Variants in POLN observed in about 807,000 individuals in gnomAD.
POLN encodes the protein DNA polymerase N.
In POLN, 108 loss-of-function variants were observed where a neutral mutation model predicts 113.5. The observed-to-expected ratio is 0.95, with a 90% CI of 0.81 to 1.12. The LOEUF (loss-of-function observed/expected upper bound fraction) is 1.12, where lower values mean the gene tolerates loss of function less well. Ranked by LOEUF, POLN falls within the 50% of genes most tolerant of loss-of-function variation. The probability of loss-of-function intolerance (pLI) is 0.00; values close to 1 mark genes in which losing one functional copy is unlikely to be tolerated. For missense variants in POLN, 1,097 were observed against 1,077.1 expected (o/e 1.02, Z -0.26); for synonymous variants, 386 against 391.5 (o/e 0.99, Z 0.17).
intron 20 of POLN, chr4:2,089,359 A>C: frequency 7.2e-7 from 1 of 1,389,738 alleles, no homozygotes; most frequent in Non-Finnish European, 9.9e-7. Context: ...GTGATTTGCT[A>C]ATTGTGACAG....
At position 2,148,102 on chromosome 4, in the gene POLN, C is replaced by T. The variant is rs193030989; in HGVS notation, c.1731+8686G>A. ...TGCAGGATGTTATAATACAGTATAA[C>T]GAGCACTATGCTAGAGGAAGTATAG... On this transcript the variant is annotated intron_variant, in intron 16 of 25. Transcript: ENST00000511885. Among the ~76,000 whole-genome samples the T allele has an allele frequency of 3.9e-5, 6 of 152,144 alleles. 1 individual carries two copies. The highest frequency in any genetic ancestry group is 4.2e-4 in the South Asian group (2 of 4,816).
At chr4:2,121,094 A>C (rs1274696258) in intron 19 of POLN, among the ~76,000 whole-genome samples, 1 of 152,068 alleles carries the variant, frequency 6.6e-6, no homozygotes, top group Non-Finnish European at 1.5e-5. Context: ...TGCAATATTA[A>C]TAAGTTGTTC....
In POLN at chr4:2,236,372, C is replaced by G. The variant is rs559315835; in HGVS notation, c.-13+5148G>C. On this transcript the variant is annotated intron_variant, in intron 2 of 25. Coordinates refer to ENST00000511885, the MANE Select transcript of POLN (RefSeq NM_181808.4). ...CTTGTACTAAAGAAATATTCTGTTT[C>G]AATTTCTCAGCCACTTCCTCAAGGT... is the stretch of plus-strand genomic sequence containing the variant. 1.3e-5 allele frequency: 21 copies of G among 1,613,166 alleles called. No individual in the cohort carries two copies. The highest frequency in any genetic ancestry group is 1.8e-5 in the Non-Finnish European group (21 of 1,179,336).
At chr4:2,203,782 T>A (rs1560092586) in intron 5 of POLN, among the ~76,000 whole-genome samples, 1 of 151,746 alleles carries the variant, frequency 6.6e-6, no homozygotes, top group African/African-American at 2.4e-5. Context: ...CAGAACTCAA[T>A]GATATTGAAA....
chr4:2,236,312 G>C (rs763337953), intron 2 of POLN: 4 of 1,613,740 alleles, frequency 2.5e-6, no homozygotes, highest in Non-Finnish European at 3.4e-6. Flanking sequence ...TGGACAGAAA[G>C]AAAGAATGTT....
intron 11 of POLN, 138 bp from the exon 12 acceptor site, chr4:2,171,319 G>A (rs62285183): frequency 0.043 from 27,305 of 630,396 alleles, 743 homozygotes; most frequent in Middle Eastern, 0.065. Flanking sequence ...TTGGGAGGCT[G>A]AGGCAGGAGG....
At chr4:2,142,456 T>C (rs1732026145) in intron 16 of POLN, among the ~76,000 whole-genome samples, 2 of 152,228 alleles carry the variant, frequency 1.3e-5, no homozygotes, top group South Asian at 2.1e-4. Context: ...TCCAGGAAGG[T>C]TGTGTAAACA....
chr4:2,202,991 CA>C (rs946437534), intron 5 of POLN, among the ~76,000 whole-genome samples: 2 of 152,062 alleles, frequency 1.3e-5, no homozygotes, highest in African/African-American at 4.8e-5. Flanking sequence ...TACCCTGGAA[CA>C]AATGGACTTA....
chr4:2,183,204 G>C (rs966528218), intron 7 of POLN, among the ~76,000 whole-genome samples: 1 of 152,176 alleles, frequency 6.6e-6, no homozygotes, highest in African/African-American at 2.4e-5. Flanking sequence ...ATACAGTGCT[G>C]GTTAAAATGG....
intron 19 of POLN, among the ~76,000 whole-genome samples, chr4:2,124,817 G>C (rs1307921968): frequency 6.6e-6 from 1 of 152,136 alleles, no homozygotes; most frequent in Non-Finnish European, 1.5e-5. Flanking sequence ...GGACCTCGGA[G>C]CCAGGCACAT....
At position 2,129,337 on chromosome 4, in the gene POLN, A is replaced by T. The variant is rs1577710633; in HGVS notation, c.1790-81T>A. On this transcript the variant is annotated intron_variant, in intron 17 of 25. Coordinates refer to ENST00000511885, the MANE Select transcript of POLN (RefSeq NM_181808.4). Reference sequence around the variant, plus strand: ...TATTCCTCAATACAATATTATTTGAATATTATTCTGAAGTCCAGAGTTAAG... The same window carrying T: ...TATTCCTCAATACAATATTATTTGATTATTATTCTGAAGTCCAGAGTTAAG... 3 of 891,758 alleles carry T rather than the reference A, an allele frequency of 3.4e-6. No individual in the cohort carries two copies. In the East Asian group the frequency reaches 7.6e-5, roughly 23 times the overall value. The allele number at this position is 891,758 out of a possible 1,614,324, so 55.2% of individuals were successfully genotyped here.
chr4:2,133,031 C>T (rs1327895312), intron 16 of POLN, among the ~76,000 whole-genome samples: 1 of 151,736 alleles, frequency 6.6e-6, no homozygotes, highest in Non-Finnish European at 1.5e-5. Context: ...TGTGGCTGGG[C>T]ACAGTGGATC....
At chr4:2,161,834 C>A (rs1187314011) in intron 13 of POLN, among the ~76,000 whole-genome samples, 2 of 152,166 alleles carry the variant, frequency 1.3e-5, no homozygotes, top group Non-Finnish European at 2.9e-5. Flanking sequence ...ATACACCAAT[C>A]AGCACCCTGT....
At chr4:2,088,091 A>G (rs1371664596) in intron 20 of POLN, among the ~76,000 whole-genome samples, 1 of 152,226 alleles carries the variant, frequency 6.6e-6, no homozygotes, top group Non-Finnish European at 1.5e-5. Context: ...TAATTCACAT[A>G]TAAATCCAAC....
At chr4:2,086,777 C>T (rs560349364) in intron 20 of POLN, among the ~76,000 whole-genome samples, 12 of 152,148 alleles carry the variant, frequency 7.9e-5, no homozygotes, top group Non-Finnish European at 1.5e-4. Context: ...GGAGCATGGC[C>T]GGGACCAGCA....
chr4:2,194,078 C>A (rs1402134962), intron 6 of POLN, among the ~76,000 whole-genome samples: 1 of 152,194 alleles, frequency 6.6e-6, no homozygotes, highest in African/African-American at 2.4e-5. Flanking sequence ...GATTGTTGCA[C>A]TGAAACCTCA....
intron 13 of POLN, among the ~76,000 whole-genome samples, chr4:2,160,659 T>C (rs1233866917): frequency 6.6e-6 from 1 of 152,216 alleles, no homozygotes; most frequent in Non-Finnish European, 1.5e-5. Context: ...TCCTCCCGCC[T>C]TGGCCTCCCA....
At chr4:2,192,150 A>G (rs1293526702) in intron 7 of POLN, among the ~76,000 whole-genome samples, 1 of 150,696 alleles carries the variant, frequency 6.6e-6, no homozygotes, top group East Asian at 1.9e-4. Context: ...CTGGAAATTG[A>G]TAATTGTTGA....
At chr4:2,154,494 A>C (rs1331026285) in intron 16 of POLN, among the ~76,000 whole-genome samples, 1 of 152,212 alleles carries the variant, frequency 6.6e-6, no homozygotes, top group Non-Finnish European at 1.5e-5. Flanking sequence ...AAAGTAATCA[A>C]AACGAAAATT....
Sources: allele counts gnomAD v4.1 joint callset (sites outside exome capture counted in the v4.1 genomes callset), GRCh38; gene constraint gnomAD v4.1.1; transcripts MANE v1.5; gene names NCBI Gene and HGNC (gene_info 2026-07-23, HGNC 2026-07-21).